The following ACTR5 variants were observed in gnomAD, a reference collection of about 807,000 sequenced individuals.
ACTR5 encodes the protein actin related protein 5, also known as actin-related protein 5.
In ACTR5, 43 loss-of-function variants were observed where a neutral mutation model predicts 61.2. That is an observed-to-expected ratio of 0.70 (90% CI 0.55 to 0.91). ACTR5 has a LOEUF of 0.91. Among genes scored for constraint, ACTR5 ranks in the 40% least tolerant of loss-of-function variants. ACTR5 has a pLI of 0.00. For synonymous variants in ACTR5, 333 were observed against 310.5 expected, an observed-to-expected ratio of 1.07 and a Z score of -0.76; for missense variants, 798 against 782.2, an observed-to-expected ratio of 1.02 and a Z score of -0.24.
intron 1 of ACTR5, among the ~76,000 whole-genome samples, chr20:38,749,352 G>T (rs1012716452): frequency 2.0e-5 from 3 of 152,226 alleles, no homozygotes; most frequent in African/African-American, 7.2e-5. Flanking sequence ...CAGGTAGCAA[G>T]CCATGTGAAT....
intron 1 of ACTR5, among the ~76,000 whole-genome samples, chr20:38,749,326 C>A (rs2084372343): frequency 6.6e-6 from 1 of 152,082 alleles, no homozygotes; most frequent in Non-Finnish European, 1.5e-5. Context: ...TGAGCAAGGA[C>A]TTGAAGGAGG....
intron 6 of ACTR5, among the ~76,000 whole-genome samples, chr20:38,766,031 A>G (rs1238031938): frequency 6.6e-6 from 1 of 152,200 alleles, no homozygotes; most frequent in East Asian, 1.9e-4. Flanking sequence ...GGACCATTTC[A>G]TGATGGAAAC....
At chr20:38,762,629 TG>T (rs569786751) in intron 5 of ACTR5, among the ~76,000 whole-genome samples, 75 of 152,342 alleles carry the variant, frequency 4.9e-4, no homozygotes, top group African/African-American at 1.8e-3. Flanking sequence ...GCAGGCTTAC[TG>T]GTTGGGTGTA....
At chr20:38,761,537 G>C (rs552651266) in intron 5 of ACTR5, 3 of 152,524 alleles carry the variant, frequency 2.0e-5, no homozygotes, top group African/African-American at 7.2e-5. Flanking sequence ...AGGATGTGAG[G>C]GTGATCTGGC....
chr20:38,749,814 TTAA>T (rs1451333053), intron 1 of ACTR5, among the ~76,000 whole-genome samples, 193 bp from the exon 2 acceptor site: 6 of 152,212 alleles, frequency 3.9e-5, no homozygotes, highest in African/African-American at 7.2e-5. Flanking sequence ...GGACCTTGAC[TTAA>T]TAACTTAAAT....
At chr20:38,753,437 A>G (rs1386454552) in intron 3 of ACTR5, among the ~76,000 whole-genome samples, 1 of 152,222 alleles carries the variant, frequency 6.6e-6, no homozygotes, top group East Asian at 1.9e-4. Context: ...GTAAAAAAAA[A>G]AAAAAGTTTC....
chr20:38,754,850 A>G (rs897205583), intron 3 of ACTR5, 107 bp from the exon 4 acceptor site: 7 of 1,114,394 alleles, frequency 6.3e-6, no homozygotes, highest in East Asian at 2.4e-5. Flanking sequence ...CGGCTCCCCA[A>G]AGTGCTGGGA....
chr20:38,763,557 C>T (rs2084467481), intron 5 of ACTR5, among the ~76,000 whole-genome samples: 1 of 152,200 alleles, frequency 6.6e-6, no homozygotes, highest in Non-Finnish European at 1.5e-5. Flanking sequence ...TTGTCTTATC[C>T]TTAGCCTCAT....
chr20:38,760,777 A>G, intron 5 of ACTR5, among the ~76,000 whole-genome samples: 1 of 152,196 alleles, frequency 6.6e-6, no homozygotes, highest in East Asian at 1.9e-4. Flanking sequence ...GCTGTATTGA[A>G]AGGCAGTGGG....
chr20:38,757,253 G>A (rs2084425703), intron 5 of ACTR5, among the ~76,000 whole-genome samples: 1 of 152,180 alleles, frequency 6.6e-6, no homozygotes, highest in African/African-American at 2.4e-5. Flanking sequence ...GTAGCCAAAA[G>A]AGCTTAGGCC....
At chr20:38,766,093 C>T in intron 6 of ACTR5, 145 bp from the exon 7 acceptor site, 1 of 813,196 alleles carries the variant, frequency 1.2e-6, no homozygotes, top group Non-Finnish European at 1.9e-6. Context: ...ATTGAATTAG[C>T]AGGTCAAGAG....
At chr20:38,754,339 A>G (rs909703787) in intron 3 of ACTR5, among the ~76,000 whole-genome samples, 1 of 152,034 alleles carries the variant, frequency 6.6e-6, no homozygotes, top group African/African-American at 2.4e-5. Flanking sequence ...AGCTGCTTTT[A>G]GTTGATTGAG....
chr20:38,756,086 G>A, intron 5 of ACTR5, 47 bp downstream of exon 5: 1 of 1,541,128 alleles, frequency 6.5e-7, no homozygotes, highest in Non-Finnish European at 8.7e-7. Flanking sequence ...GGGGAGGAGT[G>A]TCCTGAGAGG....
At chr20:38,758,186 G>T (rs1240568605) in intron 5 of ACTR5, among the ~76,000 whole-genome samples, 2 of 152,086 alleles carry the variant, frequency 1.3e-5, no homozygotes, top group Non-Finnish European at 2.9e-5. Context: ...TCATTTGTCT[G>T]CATTTGTTAC....
At chr20:38,756,626 C>T (rs2084421679) in intron 5 of ACTR5, among the ~76,000 whole-genome samples, 1 of 152,180 alleles carries the variant, frequency 6.6e-6, no homozygotes. Context: ...TTTTTGAGGC[C>T]GGGCGTGCTG....
rs139250780 is a variant in ACTR5, at chr20:38,754,174, G to A, written c.776-783G>A. Among the ~76,000 whole-genome samples the A allele has an allele frequency of 2.1e-3, 317 of 152,332 alleles. 4 individuals are homozygous for A. Among genetic ancestry groups the A allele is most frequent in the African/African-American group, 7.4e-3 (308 of 41,572 alleles). On this transcript the variant is annotated intron_variant, in intron 3 of 8. Coordinates refer to ENST00000243903, the MANE Select transcript of ACTR5 (RefSeq NM_024855.4). ...ATAGGTTTTAAAGAACTCGTAAGGA[G>A]ATTAGTCTGTTATGTTTAACCAGAT...
intron 5 of ACTR5, among the ~76,000 whole-genome samples, chr20:38,758,441 AT>A: frequency 6.6e-6 from 1 of 152,094 alleles, no homozygotes; most frequent in Non-Finnish European, 1.5e-5. Flanking sequence ...GAGGTCAGGA[AT>A]TCGAGACCAG....
chr20:38,755,551 A>G (rs555051030), intron 4 of ACTR5, among the ~76,000 whole-genome samples: 3 of 151,520 alleles, frequency 2.0e-5, no homozygotes, highest in African/African-American at 7.3e-5. Flanking sequence ...GGCTCCTTTC[A>G]TGTCTCCTCT....
At chr20:38,754,441 G>A (rs1033223026) in intron 3 of ACTR5, among the ~76,000 whole-genome samples, 9 of 152,014 alleles carry the variant, frequency 5.9e-5, no homozygotes, top group Non-Finnish European at 8.8e-5. Flanking sequence ...GGAGTCGGCC[G>A]GGCATGGGGG....
Sources: gnomAD v4.1 joint callset for allele counts (sites outside exome capture counted in the v4.1 genomes callset) on GRCh38, gnomAD v4.1.1 for gene constraint, MANE v1.5 for transcripts, NCBI Gene and HGNC (gene_info 2026-07-23, HGNC 2026-07-21) for gene names.